DIP2C: variants seen among roughly 807,000 people sequenced by gnomAD.
DIP2C encodes DIP2 acetate--CoA ligase C (putative).
A neutral mutation model predicts 192.4 loss-of-function variants in DIP2C; 33 were observed. The observed-to-expected ratio is 0.17, with a 90% CI of 0.13 to 0.23. The LOEUF is 0.23. Among genes scored for constraint, DIP2C ranks in the 10% least tolerant of loss-of-function variants. DIP2C has a pLI of 1.00. For missense variants in DIP2C, 1,537 were observed against 2,110.1 expected (o/e 0.73, Z 5.32); for synonymous variants, 979 against 864.1 (o/e 1.13, Z -2.33).
chr10:384,749 G>A, intron 14 of DIP2C, 110 bp from the exon 15 acceptor site: 3 of 1,088,578 alleles, frequency 2.8e-6, no homozygotes, highest in Non-Finnish European at 4.1e-6. Flanking sequence ...GAGCTCTCAG[G>A]GAGCGCTGCA....
rs1554847955 is a variant in DIP2C at position 414,739 on chromosome 10, G to GTATATATA, written c.860-630_860-629insTATATATA. On this transcript the variant is annotated intron_variant, in intron 7 of 36. Coordinates refer to ENST00000280886, the MANE Select transcript of DIP2C (RefSeq NM_014974.3). ...TGTGTGTGTGTGTGTGTGTGTGTGT[G>GTATATATA]TACATATATATATATATAATGTGTA... is the stretch of plus-strand genomic sequence containing the variant. Among the ~76,000 whole-genome samples, 617 of 90,484 alleles carry GTATATATA rather than the reference G, an allele frequency of 6.8e-3. 34 individuals are homozygous for GTATATATA. The highest frequency in any genetic ancestry group is 0.021 in the African/African-American group (477 of 22,216). 59.4% of individuals were successfully genotyped at this position (90,484 alleles called of 152,430 possible). A position where few individuals can be genotyped will look rare whatever the true frequency, so the allele number is the denominator to read the frequency against.
At chr10:286,145 T>G (rs980583267) in intron 34 of DIP2C, 128 bp downstream of exon 34, 1 of 836,692 alleles carries the variant, frequency 1.2e-6, no homozygotes, top group South Asian at 1.7e-5. Flanking sequence ...TCCCAGGCAA[T>G]CATAACTCAC....
chr10:510,582 C>T (rs1002982118), intron 1 of DIP2C, among the ~76,000 whole-genome samples: 131 of 152,324 alleles, frequency 8.6e-4, no homozygotes, highest in African/African-American at 2.8e-3. Context: ...AGGGTCAGAG[C>T]CAAGTGCTGG....
At chr10:612,793 G>T (rs1425524148) in intron 1 of DIP2C, among the ~76,000 whole-genome samples, 1 of 152,156 alleles carries the variant, frequency 6.6e-6, no homozygotes, top group Non-Finnish European at 1.5e-5. Flanking sequence ...CTCAAGAAAT[G>T]AGACAAATAT....
chr10:473,889 C>T (rs530267658), intron 2 of DIP2C, among the ~76,000 whole-genome samples: 2 of 152,276 alleles, frequency 1.3e-5, no homozygotes, highest in Non-Finnish European at 2.9e-5. Flanking sequence ...GGTTTCTGAA[C>T]ATCAGCTTTT....
intron 22 of DIP2C, among the ~76,000 whole-genome samples, chr10:359,268 G>C (rs914391465): frequency 6.6e-6 from 1 of 152,210 alleles, no homozygotes; most frequent in Non-Finnish European, 1.5e-5. Context: ...CAGGGCCACC[G>C]GCTCTCTACA....
At chr10:576,828 A>G (rs895084900) in intron 1 of DIP2C, among the ~76,000 whole-genome samples, 8 of 152,070 alleles carry the variant, frequency 5.3e-5, no homozygotes, top group Non-Finnish European at 1.2e-4. Context: ...AATCTCTTGA[A>G]CCTGGGAGGT....
At chr10:404,603 G>C (rs1347768132) in intron 9 of DIP2C, among the ~76,000 whole-genome samples, 4 of 152,218 alleles carry the variant, frequency 2.6e-5, no homozygotes, top group Admixed American at 6.5e-5. Context: ...AATCATCTGT[G>C]TATCTAAGTA....
intron 1 of DIP2C, among the ~76,000 whole-genome samples, chr10:528,937 G>A (rs1319684890): frequency 1.3e-5 from 2 of 152,190 alleles, no homozygotes; most frequent in Non-Finnish European, 2.9e-5. Flanking sequence ...AGAAACAACA[G>A]GAACGAGAAC....
chr10:475,185 C>T (rs774438570), intron 2 of DIP2C, among the ~76,000 whole-genome samples: 36 of 152,150 alleles, frequency 2.4e-4, no homozygotes, highest in Non-Finnish European at 3.4e-4. Flanking sequence ...GGAGGAAAAG[C>T]GGCCGCCTGC....
intron 32 of DIP2C, among the ~76,000 whole-genome samples, chr10:303,587 G>C (rs555392576): frequency 2.6e-5 from 4 of 151,494 alleles, no homozygotes; most frequent in Non-Finnish European, 5.9e-5. Context: ...GCAGTGGCGC[G>C]ATCTTGGCTC....
At chr10:588,966 G>A (rs1851246694) in intron 1 of DIP2C, among the ~76,000 whole-genome samples, 1 of 152,192 alleles carries the variant, frequency 6.6e-6, no homozygotes, top group Admixed American at 6.5e-5. Flanking sequence ...CATCACACAG[G>A]AGTCCCGGCT....
chr10:357,352 A>G, intron 23 of DIP2C, among the ~76,000 whole-genome samples: 1 of 152,162 alleles, frequency 6.6e-6, no homozygotes, highest in East Asian at 1.9e-4. Context: ...AGCACAGGAC[A>G]GAAGCCTTGC....
intron 2 of DIP2C, among the ~76,000 whole-genome samples, chr10:476,940 G>A (rs1458340679): frequency 1.3e-5 from 2 of 151,982 alleles, no homozygotes; most frequent in Admixed American, 1.3e-4. Context: ...TGCTCTCGGT[G>A]GAGCTGGCCA....
intron 1 of DIP2C, among the ~76,000 whole-genome samples, chr10:688,830 G>C (rs1408722253): frequency 6.6e-6 from 1 of 152,234 alleles, no homozygotes; most frequent in Non-Finnish European, 1.5e-5. Flanking sequence ...GCCGGAGCCC[G>C]GCCCGGGGGG....
intron 1 of DIP2C, among the ~76,000 whole-genome samples, chr10:559,321 G>GT (rs1849069547): frequency 7.5e-6 from 1 of 133,298 alleles, no homozygotes; most frequent in South Asian, 2.2e-4. Context: ...CATGGGGGCG[G>GT]TGGGGAACGC....
intron 1 of DIP2C, among the ~76,000 whole-genome samples, chr10:560,686 G>A (rs907996841): frequency 1.3e-5 from 2 of 152,142 alleles, no homozygotes; most frequent in African/African-American, 4.8e-5. Context: ...CAGAAACAAC[G>A]TAATCACTTT....
chr10:373,081 T>G (rs1451320256), intron 17 of DIP2C, among the ~76,000 whole-genome samples: 2 of 152,228 alleles, frequency 1.3e-5, no homozygotes, highest in African/African-American at 4.8e-5. Context: ...TTGACTTCAC[T>G]GCCCAAGTGG....
Position 276,205 on chromosome 10 carries a change from C to T in DIP2C, c.*1120G>A, listed in dbSNP as rs1386691720. 1 of 152,690 alleles carries T rather than the reference C, an allele frequency of 6.5e-6. No homozygotes were observed. The highest frequency in any genetic ancestry group is 1.5e-5 in the Non-Finnish European group (1 of 68,036). The allele number at this position is 152,690 out of a possible 1,614,324, so 9.5% of individuals were successfully genotyped here. ...TCATCAGCACACGCTGGCATAAACA[C>T]ATTCACTGTTGTCCCACAGCAAAGA... On this transcript the variant is annotated 3_prime_UTR_variant, in exon 37 of 37. Transcript: ENST00000280886.
Sources: allele counts gnomAD v4.1 joint callset (sites outside exome capture counted in the v4.1 genomes callset), GRCh38; gene constraint gnomAD v4.1.1; transcripts MANE v1.5; gene names NCBI Gene and HGNC (gene_info 2026-07-23, HGNC 2026-07-21).